Variants in SUMF1 observed in about 807,000 individuals in gnomAD.
SUMF1 encodes sulfatase modifying factor 1, also known as formylglycine-generating enzyme.
SUMF1 carries 48 observed loss-of-function variants against 47.6 expected under a neutral mutation model. The observed-to-expected ratio is 1.01, with a 90% CI of 0.80 to 1.28. The LOEUF (loss-of-function observed/expected upper bound fraction) is 1.28. Ranked by LOEUF, SUMF1 falls within the 50% of genes most tolerant of loss-of-function variation. SUMF1 has a pLI of 0.00. For missense variants in SUMF1, 571 were observed against 485.4 expected, an observed-to-expected ratio of 1.18 and a Z score of -1.66; for synonymous variants, 230 against 192.1, an observed-to-expected ratio of 1.20 and a Z score of -1.63.
chr3:4,376,924 T>C (rs1700347518), intron 7 of SUMF1, among the ~76,000 whole-genome samples: 1 of 152,002 alleles, frequency 6.6e-6, no homozygotes, highest in Non-Finnish European at 1.5e-5. Context: ...GCCTCCCAAG[T>C]AGCTAGAACC....
At chr3:4,347,437 G>A (rs908037422) in intron 8 of SUMF1, among the ~76,000 whole-genome samples, 2 of 152,136 alleles carry the variant, frequency 1.3e-5, no homozygotes, top group African/African-American at 4.8e-5. Context: ...AAAACCACAT[G>A]ATTATCTCAA....
intron 8 of SUMF1, among the ~76,000 whole-genome samples, chr3:4,260,921 A>T (rs1697071914): frequency 6.6e-6 from 1 of 152,142 alleles, no homozygotes. Flanking sequence ...ATTCTCCTGC[A>T]GACCTCCCAG....
chr3:4,301,852 G>A (rs58605186), intron 8 of SUMF1, among the ~76,000 whole-genome samples: 38,181 of 152,148 alleles, frequency 0.25, 5,894 homozygotes, highest in East Asian at 0.43. Context: ...GAGGAGAAAC[G>A]TCTGATCTGG....
chr3:4,466,212 A>C (rs1395425108), intron 1 of SUMF1, among the ~76,000 whole-genome samples: 2 of 151,934 alleles, frequency 1.3e-5, no homozygotes, highest in African/African-American at 2.4e-5. Context: ...CCCGGGTTCC[A>C]GCAATTCTCC....
chr3:4,407,841 G>A (rs954603761), intron 7 of SUMF1, among the ~76,000 whole-genome samples: 1 of 152,128 alleles, frequency 6.6e-6, no homozygotes, highest in African/African-American at 2.4e-5. Flanking sequence ...ATAAAAAATT[G>A]GAGTTTAAGG....
intron 8 of SUMF1, among the ~76,000 whole-genome samples, chr3:4,197,364 G>A (rs1217139728): frequency 1.3e-5 from 2 of 152,130 alleles, no homozygotes; most frequent in African/African-American, 4.8e-5. Flanking sequence ...GCCTCCCAAA[G>A]TGCTGGGATT....
At chr3:4,212,911 G>A (rs2125165300) in intron 8 of SUMF1, among the ~76,000 whole-genome samples, 2 of 152,300 alleles carry the variant, frequency 1.3e-5, no homozygotes, top group African/African-American at 4.8e-5. Context: ...ATGGGACTAT[G>A]TGTAAAGACC....
intron 7 of SUMF1, among the ~76,000 whole-genome samples, chr3:4,406,492 C>A (rs1439304449): frequency 6.6e-6 from 1 of 151,988 alleles, no homozygotes; most frequent in Non-Finnish European, 1.5e-5. Context: ...CCCGTCTCTA[C>A]TAAAAATACA....
downstream of SUMF1, among the ~76,000 whole-genome samples, chr3:4,356,316 T>C (rs558247154): frequency 2.0e-5 from 3 of 152,366 alleles, no homozygotes; most frequent in East Asian, 1.9e-4. Flanking sequence ...TATTCTCTGA[T>C]ACTAATCTGC....
intron 4 of SUMF1, among the ~76,000 whole-genome samples, chr3:4,418,709 A>T (rs1389443955): frequency 6.6e-6 from 1 of 152,072 alleles, no homozygotes; most frequent in Non-Finnish European, 1.5e-5. Context: ...TCTGCATCCT[A>T]AACTCTGTTT....
chr3:4,123,473 C>G (rs1246301525), intron 8 of SUMF1, among the ~76,000 whole-genome samples: 2 of 152,094 alleles, frequency 1.3e-5, no homozygotes, highest in Non-Finnish European at 2.9e-5. Flanking sequence ...CCACTTTTGT[C>G]CATAGGAAGC....
intron 8 of SUMF1, among the ~76,000 whole-genome samples, chr3:4,288,672 C>A (rs1236769877): frequency 6.6e-6 from 1 of 152,132 alleles, no homozygotes; most frequent in Non-Finnish European, 1.5e-5. Flanking sequence ...GTGGCATGCA[C>A]CTGTAATCCC....
chr3:4,334,692 C>G (rs1013615209), intron 8 of SUMF1, among the ~76,000 whole-genome samples: 1 of 152,302 alleles, frequency 6.6e-6, no homozygotes, highest in Admixed American at 6.5e-5. Context: ...GGGTGGGTTC[C>G]CTGACCAGGA....
At chr3:4,099,362 T>A (rs1057083068) in intron 8 of SUMF1, among the ~76,000 whole-genome samples, 1 of 152,086 alleles carries the variant, frequency 6.6e-6, no homozygotes, top group Non-Finnish European at 1.5e-5. Flanking sequence ...ACAAAAACCA[T>A]ACGATCATCT....
intron 8 of SUMF1, among the ~76,000 whole-genome samples, chr3:4,234,167 G>A (rs1397311924): frequency 1.3e-5 from 2 of 151,964 alleles, no homozygotes; most frequent in Non-Finnish European, 2.9e-5. Context: ...CCTGACTCTT[G>A]TTTCTACAAG....
chr3:4,385,542 A>G (rs1428505555), intron 7 of SUMF1, among the ~76,000 whole-genome samples: 2 of 152,080 alleles, frequency 1.3e-5, no homozygotes, highest in Non-Finnish European at 2.9e-5. Context: ...TGTCAGATAT[A>G]TGGGTTGCGA....
intron 8 of SUMF1, among the ~76,000 whole-genome samples, chr3:4,215,112 C>T (rs963042145): frequency 3.9e-5 from 6 of 152,144 alleles, no homozygotes; most frequent in African/African-American, 1.4e-4. Flanking sequence ...AATTTCAGGC[C>T]AATATCCCTG....
chr3:4,376,238 G>A (rs1205648771), intron 8 of SUMF1, 92 bp downstream of exon 8: 2 of 1,463,010 alleles, frequency 1.4e-6, no homozygotes, highest in African/African-American at 1.4e-5. Context: ...ATTTGCAGAA[G>A]TGAATGAGAC....
At chr3:4,435,940 G>A (rs1702382399) in intron 3 of SUMF1, among the ~76,000 whole-genome samples, 1 of 152,200 alleles carries the variant, frequency 6.6e-6, no homozygotes, top group Non-Finnish European at 1.5e-5. Context: ...TGAAGGAAGA[G>A]CAACAGAAAT....
Sources: allele counts gnomAD v4.1 joint callset (sites outside exome capture counted in the v4.1 genomes callset), GRCh38; gene constraint gnomAD v4.1.1; transcripts MANE v1.5; gene names NCBI Gene and HGNC (gene_info 2026-07-23, HGNC 2026-07-21).